The following TRAPPC9 variants were observed in gnomAD, a reference collection of about 807,000 sequenced individuals.
TRAPPC9 encodes the protein IKK2 binding protein.
In TRAPPC9, 83 loss-of-function variants were observed where a neutral mutation model predicts 124.0. The observed-to-expected ratio is 0.67, with a 90% CI of 0.56 to 0.80. The LOEUF is 0.80. Among genes scored for constraint, TRAPPC9 ranks in the 30% least tolerant of loss-of-function variants. The pLI is 0.00. For missense variants in TRAPPC9, 1,302 were observed against 1,508.3 expected (o/e 0.86, Z 2.27); for synonymous variants, 638 against 617.5 (o/e 1.03, Z -0.49).
intron 19 of TRAPPC9, among the ~76,000 whole-genome samples, chr8:139,983,286 C>T (rs1055647565): frequency 6.6e-6 from 1 of 152,196 alleles, no homozygotes; most frequent in African/African-American, 2.4e-5. Flanking sequence ...CTTGAACCTG[C>T]AGTCTCCAGA....
intron 17 of TRAPPC9, among the ~76,000 whole-genome samples, chr8:140,119,483 A>G (rs914879429): frequency 1.3e-5 from 2 of 152,054 alleles, no homozygotes; most frequent in Non-Finnish European, 2.9e-5. Flanking sequence ...CTCACCCCGC[A>G]AGTTTCTGGC....
chr8:139,839,178 C>T (rs1184345731), intron 21 of TRAPPC9, among the ~76,000 whole-genome samples: 1 of 152,232 alleles, frequency 6.6e-6, no homozygotes, highest in African/African-American at 2.4e-5. Context: ...CAGGCCTGGG[C>T]CCAGGCACTC....
intron 17 of TRAPPC9, among the ~76,000 whole-genome samples, chr8:140,070,446 T>C (rs991639689): frequency 1.3e-5 from 2 of 152,188 alleles, no homozygotes; most frequent in African/African-American, 4.8e-5. Flanking sequence ...TACATACGCA[T>C]ATATATAATA....
At chr8:140,366,402 C>G (rs2068109995) in intron 8 of TRAPPC9, among the ~76,000 whole-genome samples, 1 of 152,146 alleles carries the variant, frequency 6.6e-6, no homozygotes, top group Non-Finnish European at 1.5e-5. Flanking sequence ...GCAAAAGAGA[C>G]AGCCCAGAAA....
chr8:140,041,624 C>T (rs1055769496), intron 17 of TRAPPC9, among the ~76,000 whole-genome samples: 3 of 152,224 alleles, frequency 2.0e-5, no homozygotes, highest in African/African-American at 7.2e-5. Context: ...CTTGCTCGCC[C>T]TCATGGCGGT....
intron 9 of TRAPPC9, among the ~76,000 whole-genome samples, chr8:140,337,062 A>G (rs1015001103): frequency 1.3e-5 from 2 of 152,164 alleles, no homozygotes; most frequent in Non-Finnish European, 2.9e-5. Flanking sequence ...ACAACCACTG[A>G]GTAAGTGTCC....
chr8:139,944,392 T>C (rs1834084931), intron 19 of TRAPPC9, among the ~76,000 whole-genome samples: 1 of 152,240 alleles, frequency 6.6e-6, no homozygotes, highest in Non-Finnish European at 1.5e-5. Flanking sequence ...TATCCTTGTG[T>C]GATTTATAAT....
rs1475185093 is a variant in TRAPPC9, at chr8:140,198,015, A to G, written c.2556+23444T>C. ...GTCTCCAAGGCTCAGCTTAAGCAAC[A>G]CCCATTCTAGGGAAACTGTCTCTGC... On this transcript the variant is annotated intron_variant, in intron 17 of 22. Transcript: ENST00000438773. Among the ~76,000 whole-genome samples the G allele has an allele frequency of 2.0e-5, 3 of 152,276 alleles. No individual in the cohort carries two copies. In the South Asian group the frequency reaches 6.2e-4, roughly 32 times the overall value.
intron 18 of TRAPPC9, among the ~76,000 whole-genome samples, chr8:140,013,950 G>A (rs186423941): frequency 3.9e-5 from 6 of 152,264 alleles, no homozygotes; most frequent in South Asian, 2.1e-4. Context: ...AGATACAGGC[G>A]CATGGGGCTC....
chr8:139,771,680 A>G (rs974757456), intron 21 of TRAPPC9, among the ~76,000 whole-genome samples: 5 of 152,228 alleles, frequency 3.3e-5, no homozygotes, highest in African/African-American at 1.2e-4. Flanking sequence ...GGCGCTGAGG[A>G]CCACACGGAT....
At chr8:140,052,957 A>C (rs1842090229) in intron 17 of TRAPPC9, among the ~76,000 whole-genome samples, 1 of 152,194 alleles carries the variant, frequency 6.6e-6, no homozygotes, top group African/African-American at 2.4e-5. Flanking sequence ...AAAATAAATA[A>C]AAAATGATAG....
At chr8:140,050,767 G>C (rs184329887) in intron 17 of TRAPPC9, among the ~76,000 whole-genome samples, 4 of 152,228 alleles carry the variant, frequency 2.6e-5, no homozygotes, top group African/African-American at 9.6e-5. Flanking sequence ...GGTCCCACCT[G>C]GAAACACCAG....
chr8:140,229,061 G>C (rs571843150), intron 16 of TRAPPC9, among the ~76,000 whole-genome samples: 89 of 151,870 alleles, frequency 5.9e-4, no homozygotes, highest in South Asian at 4.2e-3. Context: ...ACATTTTTTG[G>C]CTAAAAACTA....
chr8:140,407,995 A>C (rs1156372983), intron 5 of TRAPPC9, among the ~76,000 whole-genome samples: 2 of 152,240 alleles, frequency 1.3e-5, no homozygotes, highest in African/African-American at 4.8e-5. Context: ...TATAAACCAT[A>C]GGAAAATAAC....
chr8:140,393,054 T>C (rs2068976844), intron 7 of TRAPPC9, among the ~76,000 whole-genome samples: 2 of 149,772 alleles, frequency 1.3e-5, no homozygotes, highest in South Asian at 2.1e-4. Flanking sequence ...TTTATTTTAT[T>C]TTATTTTATT....
chr8:140,313,388 C>G (rs764059723), intron 9 of TRAPPC9, among the ~76,000 whole-genome samples: 1 of 152,172 alleles, frequency 6.6e-6, no homozygotes, highest in African/African-American at 2.4e-5. Context: ...AGGAAAGGCA[C>G]CACAGTGTAT....
chr8:139,789,063 C>T (rs1822473190), intron 21 of TRAPPC9, among the ~76,000 whole-genome samples: 1 of 152,236 alleles, frequency 6.6e-6, no homozygotes, highest in African/African-American at 2.4e-5. Context: ...CATGCACGCT[C>T]ATCTAAACAT....
chr8:140,056,521 C>T (rs1842296785), intron 17 of TRAPPC9, among the ~76,000 whole-genome samples: 1 of 151,832 alleles, frequency 6.6e-6, no homozygotes. Flanking sequence ...CATATAAAGT[C>T]AACTGATCTT....
intron 17 of TRAPPC9, among the ~76,000 whole-genome samples, chr8:140,123,430 C>T (rs2061024202): frequency 6.6e-6 from 1 of 152,176 alleles, no homozygotes. Flanking sequence ...CGTGCATGGC[C>T]TTGCAGAACC....
Sources: allele counts gnomAD v4.1 joint callset (sites outside exome capture counted in the v4.1 genomes callset), GRCh38; gene constraint gnomAD v4.1.1; transcripts MANE v1.5; gene names NCBI Gene and HGNC (gene_info 2026-07-23, HGNC 2026-07-21).